Variants in ITPR1 observed in about 807,000 individuals in gnomAD.
ITPR1 encodes inositol 1,4,5-trisphosphate receptor type 1.
ITPR1 carries 96 observed loss-of-function variants against 318.4 expected under a neutral mutation model. The observed-to-expected ratio is 0.30, with a 90% CI of 0.26 to 0.36. ITPR1 has a LOEUF of 0.36. Among genes scored for constraint, ITPR1 ranks in the 10% least tolerant of loss-of-function variants. The pLI is 1.00. For synonymous variants in ITPR1, 1,312 were observed against 1,289.9 expected (o/e 1.02, Z -0.37); for missense variants, 2,440 against 3,460.2 (o/e 0.71, Z 7.40).
At chr3:4,566,812 A>G (rs556571587) in intron 4 of ITPR1, among the ~76,000 whole-genome samples, 12 of 152,306 alleles carry the variant, frequency 7.9e-5, no homozygotes, top group African/African-American at 2.4e-4. Flanking sequence ...TGGCACCAAG[A>G]GTAGTCAGGA....
At chr3:4,598,539 T>C (rs1426654337) in intron 4 of ITPR1, among the ~76,000 whole-genome samples, 3 of 152,124 alleles carry the variant, frequency 2.0e-5, no homozygotes, top group Non-Finnish European at 2.9e-5. Context: ...GGAGGATTGC[T>C]TGAGCTCGGG....
At chr3:4,771,214 A>C (rs2046165369) in intron 46 of ITPR1, among the ~76,000 whole-genome samples, 1 of 152,134 alleles carries the variant, frequency 6.6e-6, no homozygotes, top group African/African-American at 2.4e-5. Flanking sequence ...TCCTTCACAG[A>C]GCTGAGTCTA....
chr3:4,741,544 A>C (rs1289853146), intron 44 of ITPR1, among the ~76,000 whole-genome samples: 4 of 30,340 alleles, frequency 1.3e-4, no homozygotes, highest in Admixed American at 1.0e-3. Context: ...CCTACACCAC[A>C]CTCTTTTTTT....
intron 24 of ITPR1, among the ~76,000 whole-genome samples, chr3:4,678,392 A>G (rs1481703759): frequency 3.9e-5 from 6 of 152,186 alleles, no homozygotes; most frequent in Admixed American, 3.9e-4. Context: ...TTGGACGTTT[A>G]TCAGAAACGA....
intron 24 of ITPR1, among the ~76,000 whole-genome samples, chr3:4,679,502 T>TG (rs1236868980): frequency 6.6e-6 from 1 of 151,998 alleles, no homozygotes; most frequent in Non-Finnish European, 1.5e-5. Flanking sequence ...AGAAGATGAG[T>TG]GTCCCAGCTC....
chr3:4,648,666 C>G (rs1003625590), intron 10 of ITPR1, among the ~76,000 whole-genome samples: 7 of 152,086 alleles, frequency 4.6e-5, no homozygotes, highest in African/African-American at 1.7e-4. Flanking sequence ...AAAAATTAGC[C>G]AGGCATGATG....
chr3:4,501,998 C>T (rs955243682), intron 2 of ITPR1, among the ~76,000 whole-genome samples: 2 of 152,192 alleles, frequency 1.3e-5, no homozygotes, highest in Non-Finnish European at 2.9e-5. Context: ...TCTTGCTGTT[C>T]TTTTGCATTT....
intron 47 of ITPR1, among the ~76,000 whole-genome samples, chr3:4,775,865 T>G (rs868120700): frequency 2.6e-5 from 4 of 152,194 alleles, no homozygotes; most frequent in Non-Finnish European, 5.9e-5. Context: ...TGAGACAGCT[T>G]GAAAGTAATA....
chr3:4,659,169 G>T (rs2093778110), intron 13 of ITPR1, among the ~76,000 whole-genome samples: 1 of 152,130 alleles, frequency 6.6e-6, no homozygotes, highest in Admixed American at 6.5e-5. Context: ...TTACACGTAT[G>T]GCCCCTCGTG....
intron 52 of ITPR1, among the ~76,000 whole-genome samples, chr3:4,790,253 G>C (rs1368971916): frequency 1.3e-5 from 2 of 152,114 alleles, no homozygotes; most frequent in Admixed American, 1.3e-4. Context: ...CCCCCAACAG[G>C]CTCCATGGCC....
chr3:4,775,522 C>T (rs192729262), intron 47 of ITPR1, 80 bp downstream of exon 47: 80 of 1,103,464 alleles, frequency 7.2e-5, no homozygotes, highest in Non-Finnish European at 9.8e-5. Flanking sequence ...TCAGAAATCA[C>T]GAAGCCTGTG....
At chr3:4,745,269 G>T (rs2044021678) in intron 44 of ITPR1, among the ~76,000 whole-genome samples, 2 of 151,068 alleles carry the variant, frequency 1.3e-5, no homozygotes, top group African/African-American at 4.9e-5. Flanking sequence ...AGTCATCTCT[G>T]CTCTCCCCAC....
chr3:4,585,516 A>G lies in ITPR1; in HGVS notation c.164-42247A>G, dbSNP rs1271209973. Among the ~76,000 whole-genome samples, 3 of 152,260 alleles carry G rather than the reference A, an allele frequency of 2.0e-5. No individual in the cohort carries two copies. In the East Asian group the frequency reaches 5.8e-4, roughly 29 times the overall value. On this transcript the variant is annotated intron_variant, in intron 4 of 61. Transcript: ENST00000649015. ...CAGTGGTACGATCCCAGCTCACTGC[A>G]AACTCCACCTCCCAGGTTCAAGCAG...
chr3:4,730,944 A>T (rs939093843), intron 42 of ITPR1, among the ~76,000 whole-genome samples: 1 of 152,174 alleles, frequency 6.6e-6, no homozygotes, highest in East Asian at 1.9e-4. Flanking sequence ...CGCTCAAACA[A>T]TGTTCTCACA....
intron 53 of ITPR1, among the ~76,000 whole-genome samples, chr3:4,797,042 C>G (rs1393938973): frequency 6.6e-6 from 1 of 152,032 alleles, no homozygotes; most frequent in African/African-American, 2.4e-5. Context: ...CCAACTCAGG[C>G]TGGTCTGCAG....
chr3:4,647,250 A>G (rs2093479256), intron 10 of ITPR1, among the ~76,000 whole-genome samples: 1 of 152,106 alleles, frequency 6.6e-6, no homozygotes, highest in African/African-American at 2.4e-5. Flanking sequence ...ATATTACTGC[A>G]TAATACTCCA....
rs776078483 is a variant in ITPR1 at position 4,693,484 on chromosome 3, A to T, written c.4030-6A>T. ...GTAATCTAAACCCACCCTGTTCTTT[A>T]TGTAGCTGGTCAATTCGGGAGAGGA... On this transcript the variant is annotated splice_polypyrimidine_tract_variant and splice_region_variant and intron_variant, in intron 32 of 61. Transcript: ENST00000649015. 20 of 1,612,532 alleles carry T rather than the reference A, an allele frequency of 1.2e-5. No individual in the cohort carries two copies. The highest frequency in any genetic ancestry group is 1.7e-5 in the Non-Finnish European group (20 of 1,178,840).
intron 2 of ITPR1, among the ~76,000 whole-genome samples, chr3:4,495,242 T>G (rs944704134): frequency 1.3e-5 from 2 of 151,576 alleles, no homozygotes; most frequent in African/African-American, 2.4e-5. Context: ...TATCAGGAGT[T>G]TTTTCTCCTG....
At chr3:4,617,441 C>G (rs1442016315) in intron 4 of ITPR1, among the ~76,000 whole-genome samples, 3 of 152,006 alleles carry the variant, frequency 2.0e-5, no homozygotes, top group Non-Finnish European at 4.4e-5. Flanking sequence ...GACAAAAGAG[C>G]CAAGAGAGAG....
Sources: gnomAD v4.1 joint callset for allele counts (sites outside exome capture counted in the v4.1 genomes callset) on GRCh38, gnomAD v4.1.1 for gene constraint, MANE v1.5 for transcripts, NCBI Gene and HGNC (gene_info 2026-07-23, HGNC 2026-07-21) for gene names.